Variants in KIAA0319L observed in about 807,000 individuals in gnomAD.
The protein encoded by KIAA0319L is dyslexia-associated protein KIAA0319-like protein.
Under a neutral mutation model 120.1 loss-of-function variants are expected in KIAA0319L, and 55 were observed. That is an observed-to-expected ratio of 0.46 (90% CI 0.37 to 0.57). The LOEUF (loss-of-function observed/expected upper bound fraction) is 0.57, where lower values mean the gene tolerates loss of function less well. Among genes scored for constraint, KIAA0319L ranks in the 20% least tolerant of loss-of-function variants. The pLI is 0.00. For missense variants in KIAA0319L, 1,049 were observed against 1,255.3 expected (o/e 0.84, Z 2.48); for synonymous variants, 398 against 471.9 (o/e 0.84, Z 2.03).
intron 3 of KIAA0319L, among the ~76,000 whole-genome samples, chr1:35,482,278 T>C (rs1424560124): frequency 2.0e-5 from 3 of 152,158 alleles, no homozygotes; most frequent in South Asian, 2.1e-4. Flanking sequence ...GTTTTGTGTA[T>C]CAATAATTCA....
At chr1:35,464,930 T>C (rs1643150905) in intron 7 of KIAA0319L, among the ~76,000 whole-genome samples, 1 of 152,220 alleles carries the variant, frequency 6.6e-6, no homozygotes, top group South Asian at 2.1e-4. Context: ...GTGTTGAGCC[T>C]GCAAGTACAC....
intron 7 of KIAA0319L, among the ~76,000 whole-genome samples, chr1:35,464,985 A>G (rs1231982254): frequency 6.6e-6 from 1 of 152,238 alleles, no homozygotes; most frequent in Non-Finnish European, 1.5e-5. Flanking sequence ...TAGATTTCAG[A>G]GTATGTATGG....
Position 35,457,187 on chromosome 1 carries a change from CTA to C in KIAA0319L, c.1428-948_1428-947del, listed in dbSNP as rs372765871. ...AGAGGCTAAGTAACCCACCCAAGGG[CTA>C]TATAGTGAGCCAAGATGCAAGCATA... is the stretch of plus-strand genomic sequence containing the variant. On this transcript the variant is annotated intron_variant, in intron 9 of 20. Transcript: ENST00000325722. Among the ~76,000 whole-genome samples the C allele has an allele frequency of 6.4e-3, 975 of 152,198 alleles. 16 individuals carry two copies. Among genetic ancestry groups the C allele is most frequent in the Middle Eastern group, 0.021 (6 of 292 alleles).
intron 6 of KIAA0319L, among the ~76,000 whole-genome samples, chr1:35,468,192 A>G (rs1326881913): frequency 6.6e-6 from 1 of 151,448 alleles, no homozygotes; most frequent in African/African-American, 2.4e-5. Flanking sequence ...CTTTGGGTAA[A>G]TACTAATTGA....
rs919202948 is a variant in KIAA0319L, at chr1:35,530,098, C to T, written c.143-22963G>A. Reference sequence around the variant, plus strand: ...TCACTCAGGCTGGAGTGCAGTGGCACGATCACAATTCACTGCACCCTCAGC... The same window carrying T: ...TCACTCAGGCTGGAGTGCAGTGGCATGATCACAATTCACTGCACCCTCAGC... On this transcript the variant is annotated intron_variant, in intron 2 of 20. Coordinates refer to ENST00000325722, the MANE Select transcript of KIAA0319L (RefSeq NM_024874.5). Among the ~76,000 whole-genome samples, 56 of 151,700 alleles carry T rather than the reference C, an allele frequency of 3.7e-4. 1 individual carries two copies. The highest frequency in any genetic ancestry group is 1.0e-3 in the African/African-American group (43 of 41,292).
chr1:35,507,854 C>A (rs1199505986), intron 2 of KIAA0319L, among the ~76,000 whole-genome samples: 1 of 152,160 alleles, frequency 6.6e-6, no homozygotes, highest in Non-Finnish European at 1.5e-5. Flanking sequence ...AACCTAAGTA[C>A]AACAGTGACA....
chr1:35,504,164 GCATAAGC>G (rs1188343274), intron 3 of KIAA0319L, among the ~76,000 whole-genome samples: 1 of 149,610 alleles, frequency 6.7e-6, no homozygotes, highest in African/African-American at 2.5e-5. Context: ...GACATTACAG[GCATAAGC>G]TGCCGTGCCC....
intron 3 of KIAA0319L, among the ~76,000 whole-genome samples, chr1:35,496,842 G>A (rs1644823503): frequency 6.6e-6 from 1 of 151,154 alleles, no homozygotes; most frequent in African/African-American, 2.4e-5. Context: ...AGCTACTTGG[G>A]AAGCTGAGGC....
chr1:35,443,049 A>AAG, intron 17 of KIAA0319L, 21 bp from the exon 18 acceptor site: 3 of 1,614,036 alleles, frequency 1.9e-6, no homozygotes, highest in Non-Finnish European at 2.5e-6. Flanking sequence ...CAGCAAAGGG[A>AAG]AGAAAGTCAA....
At chr1:35,515,882 C>A (rs779101350) in intron 2 of KIAA0319L, among the ~76,000 whole-genome samples, 1 of 151,874 alleles carries the variant, frequency 6.6e-6, no homozygotes, top group Admixed American at 6.6e-5. Flanking sequence ...TACCACTGAC[C>A]GCCCAGAAAT....
At chr1:35,473,080 CTTTTTT>C (rs962861379) in intron 5 of KIAA0319L, among the ~76,000 whole-genome samples, 33 of 90,482 alleles carry the variant, frequency 3.6e-4, no homozygotes, top group African/African-American at 2.1e-4. Context: ...TGCGCCCAGC[CTTTTTT>C]TTTTTTTTTT....
intron 1 of KIAA0319L, among the ~76,000 whole-genome samples, chr1:35,555,668 A>T (rs1459592710): frequency 6.6e-6 from 1 of 152,210 alleles, no homozygotes; most frequent in Non-Finnish European, 1.5e-5. Context: ...AAGTACATCC[A>T]GCAATTTCTC....
Position 35,453,001 on chromosome 1 carries a change from A to G in KIAA0319L, c.1913+556T>C, listed in dbSNP as rs2149092727. ...GCATTAGTTATGCTTTAAAGGAGCT[A>G]AAAGAAACTACAGGAACTAAGAATG... On this transcript the variant is annotated intron_variant, in intron 12 of 20. Transcript: ENST00000325722. This position sits in a 1 kb window ranked among gnomAD's most constrained non-coding sequence, Gnocchi z 4.1. Among the ~76,000 whole-genome samples the G allele has an allele frequency of 6.6e-6, 1 of 152,358 alleles. No individual in the cohort carries two copies. Among genetic ancestry groups the G allele is most frequent in the African/African-American group, 2.4e-5 (1 of 41,584 alleles).
intron 3 of KIAA0319L, among the ~76,000 whole-genome samples, chr1:35,484,648 A>G (rs1644293855): frequency 6.6e-6 from 1 of 151,382 alleles, no homozygotes; most frequent in Admixed American, 6.6e-5. Context: ...CTTGCATTAT[A>G]ATTGGCTAGG....
chr1:35,475,751 C>G (rs1439078521), intron 4 of KIAA0319L, among the ~76,000 whole-genome samples: 3 of 152,170 alleles, frequency 2.0e-5, no homozygotes, highest in Non-Finnish European at 4.4e-5. Context: ...AATACTCACC[C>G]ACTATGTTAC....
At chr1:35,470,824 C>T (rs1237463995) in intron 6 of KIAA0319L, 39 bp downstream of exon 6, 1 of 1,235,542 alleles carries the variant, frequency 8.1e-7, no homozygotes, top group Non-Finnish European at 1.2e-6. Flanking sequence ...CAGTCAACTC[C>T]TCTACCTTTG....
chr1:35,500,843 G>C (rs912023025), intron 3 of KIAA0319L, among the ~76,000 whole-genome samples: 1 of 152,058 alleles, frequency 6.6e-6, no homozygotes, highest in African/African-American at 2.4e-5. Flanking sequence ...CACCTTTCCA[G>C]AGCTATACAT....
chr1:35,450,720 A>G (rs950007233), intron 13 of KIAA0319L, among the ~76,000 whole-genome samples: 2 of 152,168 alleles, frequency 1.3e-5, no homozygotes, highest in Non-Finnish European at 2.9e-5. Flanking sequence ...ATGTTCTCCT[A>G]ACACTGTACA....
chr1:35,460,296 C>G lies in KIAA0319L; in HGVS notation c.1427+9G>C. 6.2e-7 allele frequency: 1 copy of G among 1,607,850 alleles called. No homozygotes were observed. The highest frequency in any genetic ancestry group is 8.5e-7 in the Non-Finnish European group (1 of 1,178,070). ...CCTATGGTAAACTTGAAGCTGAATCCTAATTTACCTGAAAGTGTAGTTCCC... is the reference window on the plus strand; with the variant it reads ...CCTATGGTAAACTTGAAGCTGAATCGTAATTTACCTGAAAGTGTAGTTCCC... On this transcript the variant is annotated intron_variant, in intron 9 of 20. Transcript: ENST00000325722.
Sources: gnomAD v4.1 joint callset for allele counts (sites outside exome capture counted in the v4.1 genomes callset) on GRCh38, gnomAD v4.1.1 for gene constraint, Gnocchi (gnomAD v3.1) non-coding constraint, MANE v1.5 for transcripts, NCBI Gene and HGNC (gene_info 2026-07-23, HGNC 2026-07-21) for gene names.